The following EPHB1 variants were observed in gnomAD, a reference collection of about 807,000 sequenced individuals.
EPHB1 encodes EPH receptor B1.
EPHB1 carries 30 observed loss-of-function variants against 94.4 expected under a neutral mutation model. The ratio of observed to expected loss-of-function variants is 0.32; its 90% CI spans 0.24 to 0.43. The LOEUF (loss-of-function observed/expected upper bound fraction) is 0.43. Among genes scored for constraint, EPHB1 ranks in the 20% least tolerant of loss-of-function variants. The probability of loss-of-function intolerance (pLI) is 1.00; values close to 1 mark genes in which losing one functional copy is unlikely to be tolerated. For missense variants in EPHB1, 1,055 were observed against 1,308.3 expected (o/e 0.81, Z 2.99); for synonymous variants, 522 against 489.1 (o/e 1.07, Z -0.89).
chr3:135,010,559 T>G (rs28449632), intron 3 of EPHB1, among the ~76,000 whole-genome samples: 3 of 21,256 alleles, frequency 1.4e-4, no homozygotes, highest in African/African-American at 1.3e-3. Flanking sequence ...TTTTTTTCTG[T>G]TTTTTTTTTT....
At position 134,971,881 on chromosome 3, in the gene EPHB1, T is replaced by G. The variant is rs187211625; in HGVS notation, c.805+19829T>G. On this transcript the variant is annotated intron_variant, in intron 3 of 15. Coordinates refer to ENST00000398015, the MANE Select transcript of EPHB1 (RefSeq NM_004441.5). ...TGACCAAGTGGGCTAAAATTCTTTT[T>G]TGATAAATTTGTTTCAGTTCAATGG... Among the ~76,000 whole-genome samples the G allele has an allele frequency of 1.4e-3, 218 of 152,322 alleles. 1 individual carries two copies. Among genetic ancestry groups the G allele is most frequent in the African/African-American group, 4.8e-3 (201 of 41,576 alleles).
At chr3:134,925,914 T>C in intron 2 of EPHB1, 34 bp downstream of exon 2, 1 of 1,565,512 alleles carries the variant, frequency 6.4e-7, no homozygotes, top group African/African-American at 1.4e-5. Flanking sequence ...TCAGTCCTGC[T>C]ATGAGGTCCT....
intron 10 of EPHB1, among the ~76,000 whole-genome samples, chr3:135,186,679 G>A (rs895321750): frequency 2.6e-5 from 4 of 152,208 alleles, no homozygotes; most frequent in South Asian, 2.1e-4. Context: ...TGAATGTTTC[G>A]TTTTCAAAAA....
chr3:134,949,682 A>G (rs746557895), intron 2 of EPHB1, among the ~76,000 whole-genome samples: 3 of 152,332 alleles, frequency 2.0e-5, no homozygotes, highest in Non-Finnish European at 2.9e-5. Context: ...TAAATAGTCA[A>G]GGATCTTAAT....
At chr3:134,899,054 A>T (rs2038145502) in intron 1 of EPHB1, among the ~76,000 whole-genome samples, 1 of 152,058 alleles carries the variant, frequency 6.6e-6, no homozygotes. Flanking sequence ...TGAGGAAAAC[A>T]TCCCTACTTA....
At chr3:135,226,304 A>C (rs1351941769) in intron 12 of EPHB1, among the ~76,000 whole-genome samples, 7 of 152,114 alleles carry the variant, frequency 4.6e-5, no homozygotes, top group African/African-American at 1.7e-4. Context: ...CTACCGCGGC[A>C]CTCTTCTGTC....
intron 1 of EPHB1, among the ~76,000 whole-genome samples, chr3:134,825,775 G>A (rs578228371): frequency 6.6e-6 from 1 of 152,198 alleles, no homozygotes; most frequent in South Asian, 2.1e-4. Context: ...ATCCACCATG[G>A]TTTGGCTCAT....
At chr3:135,098,510 A>C (rs1465335880) in intron 3 of EPHB1, among the ~76,000 whole-genome samples, 1 of 152,130 alleles carries the variant, frequency 6.6e-6, no homozygotes, top group Non-Finnish European at 1.5e-5. Context: ...TCAGACTTTT[A>C]AGTTCCTCCC....
intron 3 of EPHB1, among the ~76,000 whole-genome samples, chr3:135,012,196 A>G (rs550053183): frequency 2.0e-4 from 31 of 152,236 alleles, no homozygotes; most frequent in Admixed American, 5.9e-4. Flanking sequence ...CAGGACTGTC[A>G]CTGCTCCAGG....
intron 1 of EPHB1, among the ~76,000 whole-genome samples, chr3:134,864,544 A>T (rs575365276): frequency 7.2e-5 from 11 of 152,252 alleles, no homozygotes; most frequent in African/African-American, 2.4e-4. Flanking sequence ...TCCTCTTAAT[A>T]GTTCTATTTC....
chr3:135,230,688 A>G (rs13075672), intron 12 of EPHB1, among the ~76,000 whole-genome samples: 40,466 of 152,028 alleles, frequency 0.27, 5,631 homozygotes, highest in East Asian at 0.31. Flanking sequence ...ATAGAACCCA[A>G]TAAGTAGTTT....
Position 134,941,556 on chromosome 3 carries a change from G to C in EPHB1, c.124-9815G>C, listed in dbSNP as rs189864764. ...CTCATCCATCTCACTAATCAGACTTGGTTCCAAATGACTTTTGCCTGTTTC... is the reference window on the plus strand; with the variant it reads ...CTCATCCATCTCACTAATCAGACTTCGTTCCAAATGACTTTTGCCTGTTTC... On this transcript the variant is annotated intron_variant, in intron 2 of 15. Coordinates refer to ENST00000398015, the MANE Select transcript of EPHB1 (RefSeq NM_004441.5). Among the ~76,000 whole-genome samples, 41 of 152,248 alleles carry C rather than the reference G, an allele frequency of 2.7e-4. No individual in the cohort carries two copies. In the East Asian group the frequency reaches 6.4e-3, roughly 24 times the overall value.
At chr3:135,229,198 C>T (rs946686638) in intron 12 of EPHB1, among the ~76,000 whole-genome samples, 5 of 152,170 alleles carry the variant, frequency 3.3e-5, no homozygotes, top group Non-Finnish European at 7.3e-5. Context: ...GGTGGAGCAG[C>T]TCCGTCAGCA....
intron 3 of EPHB1, among the ~76,000 whole-genome samples, chr3:135,072,530 T>C (rs1465664953): frequency 6.6e-6 from 1 of 152,208 alleles, no homozygotes; most frequent in Non-Finnish European, 1.5e-5. Flanking sequence ...CCTTCCAGTC[T>C]GCCCAGTCTC....
rs1443598736 is a variant in EPHB1, at chr3:135,259,863, G to A, written c.*743G>A. On this transcript the variant is annotated 3_prime_UTR_variant, in exon 16 of 16. Transcript: ENST00000398015. ...CGTGTGCAAAAGCACACATATGTAT[G>A]TCTGTGTTATAAAATGACTGTGCTT... The A allele has an allele frequency of 4.4e-6, 1 of 225,466 alleles. No individual in the cohort carries two copies. Among genetic ancestry groups the A allele is most frequent in the African/African-American group, 2.2e-5 (1 of 44,910 alleles). The allele number at this position is 225,466 out of a possible 1,614,324, so 14.0% of individuals were successfully genotyped here. A position where few individuals can be genotyped will look rare whatever the true frequency, so the allele number is the denominator to read the frequency against.
chr3:135,138,236 T>G (rs1940692292), intron 5 of EPHB1, among the ~76,000 whole-genome samples: 1 of 152,242 alleles, frequency 6.6e-6, no homozygotes, highest in South Asian at 2.1e-4. Context: ...CTTTTAAAAA[T>G]GCTGCACTAT....
intron 5 of EPHB1, among the ~76,000 whole-genome samples, chr3:135,145,508 T>C (rs1940983602): frequency 6.6e-6 from 1 of 152,172 alleles, no homozygotes; most frequent in Non-Finnish European, 1.5e-5. Context: ...ATGGACTGGC[T>C]TCAAGGCCCT....
intron 3 of EPHB1, among the ~76,000 whole-genome samples, chr3:134,959,825 C>T (rs1217969011): frequency 6.6e-6 from 1 of 152,102 alleles, no homozygotes; most frequent in Non-Finnish European, 1.5e-5. Context: ...TTATTTGTAT[C>T]AAGGACCCTG....
Position 135,022,337 on chromosome 3 carries a change from CT to C in EPHB1, c.805+70292del, listed in dbSNP as rs371913832. On this transcript the variant is annotated intron_variant, in intron 3 of 15. Transcript: ENST00000398015. ...TGTATTAATATGTAAATTTCTCTCTCTTTTTTTAGTTACATTGCCACATTTT... is the reference window on the plus strand; with the variant it reads ...TGTATTAATATGTAAATTTCTCTCTCTTTTTTAGTTACATTGCCACATTTT... Among the ~76,000 whole-genome samples, 244 of 152,268 alleles carry C rather than the reference CT, an allele frequency of 1.6e-3. 2 individuals carry two copies. The highest frequency in any genetic ancestry group is 5.8e-3 in the African/African-American group (240 of 41,546).
Sources: allele counts gnomAD v4.1 joint callset (sites outside exome capture counted in the v4.1 genomes callset), GRCh38; gene constraint gnomAD v4.1.1; transcripts MANE v1.5; gene names NCBI Gene and HGNC (gene_info 2026-07-23, HGNC 2026-07-21).